Variants in PRKN observed in about 807,000 individuals in gnomAD.
PRKN encodes parkin RBR E3 ubiquitin protein ligase, also known as E3 ubiquitin-protein ligase parkin.
In PRKN, 56 loss-of-function variants were observed where a neutral mutation model predicts 59.5. The observed-to-expected ratio is 0.94, with a 90% CI of 0.76 to 1.18. PRKN has a LOEUF of 1.18. Among genes scored for constraint, PRKN ranks in the 50% most tolerant of loss-of-function variants. The probability of loss-of-function intolerance (pLI) is 0.00; values close to 1 mark genes in which losing one functional copy is unlikely to be tolerated. For missense variants in PRKN, 657 were observed against 596.4 expected (o/e 1.10, Z -1.06); for synonymous variants, 250 against 222.1 (o/e 1.13, Z -1.12).
At chr6:161,827,180 C>T (rs932453132) in intron 6 of PRKN, among the ~76,000 whole-genome samples, 2 of 152,180 alleles carry the variant, frequency 1.3e-5, no homozygotes, top group Admixed American at 6.5e-5. Flanking sequence ...ACATTTCTTC[C>T]CACTCACACT....
intron 6 of PRKN, among the ~76,000 whole-genome samples, chr6:161,946,414 A>ACACT (rs1247187053): frequency 4.5e-4 from 52 of 114,448 alleles, no homozygotes; most frequent in East Asian, 4.3e-3. Flanking sequence ...ACACACACAC[A>ACACT]CTCTCTCTCT....
chr6:162,146,404 GA>G (rs1583101683), intron 4 of PRKN, among the ~76,000 whole-genome samples: 1 of 150,606 alleles, frequency 6.6e-6, no homozygotes, highest in African/African-American at 2.4e-5. Context: ...AATCATGTAA[GA>G]AAACTAAAAA....
At chr6:162,065,283 G>A (rs1778282687) in intron 4 of PRKN, among the ~76,000 whole-genome samples, 1 of 152,200 alleles carries the variant, frequency 6.6e-6, no homozygotes, top group South Asian at 2.1e-4. Flanking sequence ...GTAAATCTAA[G>A]AGTCCAAAGG....
chr6:161,927,399 A>G (rs1193139243), intron 6 of PRKN, among the ~76,000 whole-genome samples: 1 of 152,218 alleles, frequency 6.6e-6, no homozygotes, highest in Non-Finnish European at 1.5e-5. Flanking sequence ...AAAGAGGAAT[A>G]CAAACACTAC....
intron 4 of PRKN, among the ~76,000 whole-genome samples, chr6:162,076,575 G>A (rs1383317110): frequency 2.0e-5 from 3 of 152,060 alleles, no homozygotes; most frequent in Admixed American, 2.0e-4. Flanking sequence ...TCTAATCAGA[G>A]AGAAGAGGAA....
At chr6:162,216,492 T>G (rs1372474611) in intron 3 of PRKN, among the ~76,000 whole-genome samples, 1 of 127,598 alleles carries the variant, frequency 7.8e-6, no homozygotes, top group Non-Finnish European at 1.5e-5. Context: ...ATTGCGCCAC[T>G]GCAGTCCGCA....
intron 4 of PRKN, among the ~76,000 whole-genome samples, chr6:162,189,479 T>C (rs1052632895): frequency 6.6e-6 from 1 of 150,624 alleles, no homozygotes; most frequent in African/African-American, 2.4e-5. Context: ...ATAGTCATTG[T>C]ATACCTTGGC....
intron 7 of PRKN, among the ~76,000 whole-genome samples, chr6:161,636,909 A>C (rs757306992): frequency 3.9e-5 from 6 of 152,120 alleles, no homozygotes; most frequent in Non-Finnish European, 8.8e-5. Context: ...GAACTGCCTG[A>C]GCGCTCAGGT....
At chr6:161,775,437 C>G (rs1396525651) in intron 7 of PRKN, among the ~76,000 whole-genome samples, 1 of 152,014 alleles carries the variant, frequency 6.6e-6, no homozygotes, top group East Asian at 1.9e-4. Flanking sequence ...GAAAAGGGGT[C>G]TCCCTGTGTT....
chr6:161,718,377 A>ACT (rs10639220), intron 7 of PRKN, among the ~76,000 whole-genome samples: 37,145 of 152,028 alleles, frequency 0.24, 7,858 homozygotes, highest in African/African-American at 0.58. Context: ...CCCTACTGAG[A>ACT]CTGATCCAGT....
At chr6:161,493,751 A>C (rs1777644122) in intron 9 of PRKN, among the ~76,000 whole-genome samples, 3 of 152,260 alleles carry the variant, frequency 2.0e-5, no homozygotes, top group South Asian at 4.1e-4. Flanking sequence ...GCATTAGCAC[A>C]GAGAAGCAAA....
intron 6 of PRKN, among the ~76,000 whole-genome samples, chr6:161,865,692 T>C (rs1255792779): frequency 6.6e-6 from 1 of 152,206 alleles, no homozygotes; most frequent in East Asian, 1.9e-4. Flanking sequence ...CTTCACAGAA[T>C]TGAAGAGAGT....
chr6:162,165,977 G>A (rs1268435668), intron 4 of PRKN, among the ~76,000 whole-genome samples: 6 of 148,650 alleles, frequency 4.0e-5, no homozygotes, highest in Non-Finnish European at 4.4e-5. Context: ...GAACCCAGGT[G>A]GCAAGGGTTG....
In PRKN at chr6:161,458,914, T is replaced by G. The variant is rs997096026; in HGVS notation, c.1084-72037A>C. Among the ~76,000 whole-genome samples, 12 of 71,964 alleles carry G rather than the reference T, an allele frequency of 1.7e-4. No homozygotes were observed. The highest frequency in any genetic ancestry group is 4.9e-4 in the African/African-American group (4 of 8,228). 47.2% of individuals were successfully genotyped at this position (71,964 alleles called of 152,430 possible). ...ATAATTACCAGAAGCCATTTTCATGTTTTTTTTTTTCTTTTTAAAGTGCAT... is the reference window on the plus strand; with the variant it reads ...ATAATTACCAGAAGCCATTTTCATGGTTTTTTTTTTCTTTTTAAAGTGCAT... On this transcript the variant is annotated intron_variant, in intron 9 of 11. Coordinates refer to ENST00000366898, the MANE Select transcript of PRKN (RefSeq NM_004562.3). This position sits in a 1 kb window ranked among gnomAD's most constrained non-coding sequence, Gnocchi z 6.1.
chr6:162,095,384 G>T (rs1779683119), intron 4 of PRKN, among the ~76,000 whole-genome samples: 1 of 152,072 alleles, frequency 6.6e-6, no homozygotes, highest in South Asian at 2.1e-4. Context: ...ATGTTGGCTT[G>T]GAGCTGACTA....
At position 161,554,730 on chromosome 6, in the gene PRKN, GTGTGTATA is replaced by G. The variant is rs899252010; in HGVS notation, c.934-5735_934-5728del. 6.8e-4 allele frequency among the ~76,000 whole-genome samples: 94 copies of G among 137,954 alleles called. No homozygotes were observed. The highest frequency in any genetic ancestry group is 3.1e-3 in the Admixed American group (39 of 12,636). The allele number at this position is 137,954 out of a possible 152,430, so 90.5% of individuals were successfully genotyped here. On this transcript the variant is annotated intron_variant, in intron 8 of 11. Coordinates refer to ENST00000366898, the MANE Select transcript of PRKN (RefSeq NM_004562.3). This position sits in a 1 kb window ranked among gnomAD's most constrained non-coding sequence, Gnocchi z 4.5. ...ACAGGGATTGTGTGTGTGTGTGTGT[GTGTGTATA>G]TATATATATATATATACATACACAC...
chr6:162,703,924 G>C (rs145038497), intron 1 of PRKN, among the ~76,000 whole-genome samples: 8 of 152,314 alleles, frequency 5.3e-5, no homozygotes, highest in South Asian at 2.1e-4. Context: ...CAGGTGCTGA[G>C]ACTACAAGCG....
chr6:161,368,381 T>TTATATATATATATATATATA (rs1562399363), intron 10 of PRKN, among the ~76,000 whole-genome samples: 2 of 70,774 alleles, frequency 2.8e-5, no homozygotes, highest in African/African-American at 1.3e-4. Context: ...ACCTCAGTCT[T>TTATATATATATATATATATA]GATATATATA....
intron 2 of PRKN, among the ~76,000 whole-genome samples, chr6:162,393,988 C>T (rs1219401441): frequency 6.6e-6 from 1 of 152,072 alleles, no homozygotes; most frequent in African/African-American, 2.4e-5. Flanking sequence ...TATTTGGAAA[C>T]CTTTTCAAAT....
Sources: gnomAD v4.1 joint callset for allele counts (sites outside exome capture counted in the v4.1 genomes callset) on GRCh38, gnomAD v4.1.1 for gene constraint, Gnocchi (gnomAD v3.1) non-coding constraint, MANE v1.5 for transcripts, NCBI Gene and HGNC (gene_info 2026-07-23, HGNC 2026-07-21) for gene names.